BCL2L13: variants seen among roughly 807,000 people sequenced by gnomAD.
BCL2L13 encodes BCL2 like 13.
A neutral mutation model predicts 25.8 loss-of-function variants in BCL2L13; 13 were observed. The observed-to-expected ratio is 0.50, with a 90% confidence interval of 0.33 to 0.80. The LOEUF is 0.80. BCL2L13 is among the 30% of genes least tolerant of loss of function. The pLI is 0.02. For synonymous variants in BCL2L13, 244 were observed against 230.3 expected, an observed-to-expected ratio of 1.06 and a Z score of -0.54; for missense variants, 504 against 574.9, an observed-to-expected ratio of 0.88 and a Z score of 1.26.
At chr22:17,714,646 T>C (rs2060862209) in intron 6 of BCL2L13, among the ~76,000 whole-genome samples, 1 of 151,900 alleles carries the variant, frequency 6.6e-6, no homozygotes, top group Non-Finnish European at 1.5e-5. Flanking sequence ...CGTAGAAAGG[T>C]GTTTATTATG....
In BCL2L13 at chr22:17,716,973, C is replaced by A. The variant is rs991611454; in HGVS notation, c.601-9704C>A. Among the ~76,000 whole-genome samples, 7 of 152,258 alleles carry A rather than the reference C, an allele frequency of 4.6e-5. 1 individual carries two copies. Among genetic ancestry groups the A allele is most frequent in the Admixed American group, 4.6e-4 (7 of 15,288 alleles). On this transcript the variant is annotated intron_variant, in intron 6 of 6. Coordinates refer to ENST00000317582, the MANE Select transcript of BCL2L13 (RefSeq NM_015367.4). Reference sequence around the variant, plus strand: ...CAAGAAAGGTACTGATATTTTACTTCTCGTTCATTGGCCTAATCTTTCCTC... The same window carrying A: ...CAAGAAAGGTACTGATATTTTACTTATCGTTCATTGGCCTAATCTTTCCTC...
intron 6 of BCL2L13, among the ~76,000 whole-genome samples, chr22:17,722,417 G>GTGTA (rs1299001574): frequency 1.2e-3 from 173 of 146,130 alleles, no homozygotes; most frequent in African/African-American, 4.5e-3. Flanking sequence ...GTGTGTGTGT[G>GTGTA]TGTATGTAGA....
At chr22:17,655,618 A>G (rs1282741716) in intron 1 of BCL2L13, 44 bp from the exon 2 acceptor site, 14 of 1,448,044 alleles carry the variant, frequency 9.7e-6, no homozygotes, top group Non-Finnish European at 1.1e-5. Context: ...TTAAAGTGGC[A>G]TGTAATAAAC....
chr22:17,728,892 C>T lies in BCL2L13; in HGVS notation c.*1358C>T, dbSNP rs1448383469. The T allele has an allele frequency of 6.6e-6, 1 of 152,022 alleles. No individual in the cohort carries two copies. The highest frequency in any genetic ancestry group is 1.9e-4 in the East Asian group (1 of 5,182). The allele number at this position is 152,022 out of a possible 1,614,324, so 9.4% of individuals were successfully genotyped here. ...ATAATTTTCTTTCCTCTGGCTGATC[C>T]CAGCCCTAAAGGAAGGGTAGACCCG... On this transcript the variant is annotated 3_prime_UTR_variant, in exon 7 of 7. Coordinates refer to ENST00000317582, the MANE Select transcript of BCL2L13 (RefSeq NM_015367.4).
In BCL2L13 at chr22:17,730,145, T is replaced by C. The variant is rs142950091; in HGVS notation, c.*2611T>C. Reference sequence around the variant, plus strand: ...TCAACTGCTCTGTTGAAGGTAATGATTTATTGGGGGGAAAAAACAACGCCA... The same window carrying C: ...TCAACTGCTCTGTTGAAGGTAATGACTTATTGGGGGGAAAAAACAACGCCA... On this transcript the variant is annotated 3_prime_UTR_variant, in exon 7 of 7. Transcript: ENST00000317582. 5.9e-5 allele frequency: 9 copies of C among 152,190 alleles called. No individual in the cohort carries two copies. The highest frequency in any genetic ancestry group is 1.9e-4 in the East Asian group (1 of 5,200). 9.4% of individuals were successfully genotyped at this position (152,190 alleles called of 1,614,324 possible).
intron 1 of BCL2L13, among the ~76,000 whole-genome samples, chr22:17,643,302 C>G (rs2058353395): frequency 6.6e-6 from 1 of 151,732 alleles, no homozygotes; most frequent in Admixed American, 6.6e-5. Flanking sequence ...TTTTGAGATG[C>G]AGTTTCACTC....
chr22:17,647,999 A>G (rs1352117544), intron 1 of BCL2L13, among the ~76,000 whole-genome samples: 2 of 151,934 alleles, frequency 1.3e-5, no homozygotes, highest in Non-Finnish European at 2.9e-5. Context: ...GCTTGGTGGC[A>G]CACCCCTGTA....
intron 1 of BCL2L13, among the ~76,000 whole-genome samples, chr22:17,629,316 C>A: frequency 6.6e-6 from 1 of 152,062 alleles, no homozygotes; most frequent in East Asian, 1.9e-4. Flanking sequence ...TTTTTTAACC[C>A]CCTTTCCATA....
chr22:17,703,276 G>A (rs1373284263), intron 6 of BCL2L13: 1 of 152,136 alleles, frequency 6.6e-6, no homozygotes, highest in Non-Finnish European at 1.5e-5. Context: ...GTCTGTACGT[G>A]TCCATTTACA....
chr22:17,630,336 ACGG>A (rs2057984259), intron 1 of BCL2L13, among the ~76,000 whole-genome samples: 1 of 151,316 alleles, frequency 6.6e-6, no homozygotes, highest in Non-Finnish European at 1.5e-5. Flanking sequence ...CTGCAGTGCA[ACGG>A]CATGGTGTCA....
chr22:17,705,618 C>A, intron 6 of BCL2L13, among the ~76,000 whole-genome samples: 1 of 151,776 alleles, frequency 6.6e-6, no homozygotes, highest in South Asian at 2.1e-4. Context: ...TTTTTTAATG[C>A]CAGTTGGTGA....
intron 6 of BCL2L13, among the ~76,000 whole-genome samples, chr22:17,719,954 A>T (rs984963669): frequency 6.6e-6 from 1 of 152,038 alleles, no homozygotes; most frequent in African/African-American, 2.4e-5. Flanking sequence ...CTCCATTTCT[A>T]CTTCTCAGAA....
chr22:17,658,207 A>C (rs775660342), intron 2 of BCL2L13, among the ~76,000 whole-genome samples: 2 of 151,666 alleles, frequency 1.3e-5, no homozygotes, highest in Non-Finnish European at 2.9e-5. Context: ...ATTTTAATTC[A>C]TTTTTTATCT....
In BCL2L13 at chr22:17,728,537, C is replaced by G. The variant is rs1639280744; in HGVS notation, c.*1003C>G. 3.3e-5 allele frequency: 5 copies of G among 152,166 alleles called. No individual in the cohort carries two copies. In the South Asian group the frequency reaches 1.0e-3, roughly 31 times the overall value. 9.4% of individuals were successfully genotyped at this position (152,166 alleles called of 1,614,324 possible). A position where few individuals can be genotyped will look rare whatever the true frequency, so the allele number is the denominator to read the frequency against. On this transcript the variant is annotated 3_prime_UTR_variant, in exon 7 of 7. Coordinates refer to ENST00000317582, the MANE Select transcript of BCL2L13 (RefSeq NM_015367.4). ...ATCTCTATTGCTGGATGGTCCCTGTCTATAACCTTGGGCTAGTATATTTTT... is the reference window on the plus strand; with the variant it reads ...ATCTCTATTGCTGGATGGTCCCTGTGTATAACCTTGGGCTAGTATATTTTT...
At chr22:17,660,306 G>A (rs960548325) in intron 2 of BCL2L13, among the ~76,000 whole-genome samples, 1 of 146,648 alleles carries the variant, frequency 6.8e-6, no homozygotes, top group Non-Finnish European at 1.6e-5. Context: ...GAAGAAACAA[G>A]AATTGATTTT....
intron 3 of BCL2L13, among the ~76,000 whole-genome samples, chr22:17,684,851 G>C (rs2059867160): frequency 6.6e-6 from 1 of 151,964 alleles, no homozygotes; most frequent in Non-Finnish European, 1.5e-5. Flanking sequence ...TCCTGCCTCA[G>C]CCTCCCGAGT....
chr22:17,725,329 G>A (rs1436540086), intron 6 of BCL2L13, among the ~76,000 whole-genome samples: 1 of 152,168 alleles, frequency 6.6e-6, no homozygotes, highest in Non-Finnish European at 1.5e-5. Flanking sequence ...TGGGCACTCT[G>A]CATTAATTAA....
intron 5 of BCL2L13, among the ~76,000 whole-genome samples, chr22:17,701,577 A>G (rs1408069367): frequency 1.3e-5 from 2 of 152,220 alleles, no homozygotes; most frequent in African/African-American, 4.8e-5. Flanking sequence ...CTGGATGACA[A>G]TAATTTATTT....
At chr22:17,704,362 G>A (rs1022512956) in intron 6 of BCL2L13, among the ~76,000 whole-genome samples, 28 of 152,164 alleles carry the variant, frequency 1.8e-4, no homozygotes, top group African/African-American at 6.7e-4. Context: ...TGGGATTACA[G>A]GCATGAGCCA....
Sources: gnomAD v4.1 joint callset for allele counts (sites outside exome capture counted in the v4.1 genomes callset) on GRCh38, gnomAD v4.1.1 for gene constraint, MANE v1.5 for transcripts, NCBI Gene and HGNC (gene_info 2026-07-23, HGNC 2026-07-21) for gene names.